EYS: variants seen among roughly 807,000 people sequenced by gnomAD.
The protein encoded by EYS is EGF-like photoreceptor maintenance factor.
A neutral mutation model predicts 282.1 loss-of-function variants in EYS; 250 were observed. The ratio of observed to expected loss-of-function variants is 0.89; its 90% CI spans 0.80 to 0.98. EYS has a LOEUF of 0.98. Ranked by LOEUF, EYS falls within the 50% of genes least tolerant of loss-of-function variation. The pLI is 0.00. For missense variants in EYS, 4,016 were observed against 3,709.0 expected (o/e 1.08, Z -2.15); for synonymous variants, 1,355 against 1,282.9 (o/e 1.06, Z -1.20).
At position 64,757,756 on chromosome 6, in the gene EYS, G is replaced by A. The variant is rs1382898318; in HGVS notation, c.3443+55622C>T. Among the ~76,000 whole-genome samples the A allele has an allele frequency of 1.8e-3, 263 of 146,832 alleles. 3 individuals carry two copies. The highest frequency in any genetic ancestry group is 2.9e-3 in the Non-Finnish European group (195 of 67,476). ...TTTCTTTTTTTCTTTGTGTGTGTGT[G>A]TGTGTGTGTGTGTGTGTGTGTGTGT... is the stretch of plus-strand genomic sequence containing the variant. On this transcript the variant is annotated intron_variant, in intron 22 of 42. Transcript: ENST00000503581.
At chr6:64,150,433 C>T (rs1174259945) in intron 31 of EYS, among the ~76,000 whole-genome samples, 2 of 152,098 alleles carry the variant, frequency 1.3e-5, no homozygotes, top group Admixed American at 6.6e-5. Flanking sequence ...ATATAAGAAA[C>T]AATTGGACTA....
At chr6:64,147,276 C>A (rs1774551712) in intron 31 of EYS, among the ~76,000 whole-genome samples, 1 of 152,108 alleles carries the variant, frequency 6.6e-6, no homozygotes, top group East Asian at 1.9e-4. Flanking sequence ...CACTAATTCA[C>A]ATGGACCTAT....
chr6:65,159,084 G>A (rs1764792800), intron 12 of EYS, among the ~76,000 whole-genome samples: 2 of 150,650 alleles, frequency 1.3e-5, no homozygotes, highest in Non-Finnish European at 3.0e-5. Context: ...GCTCTTTTGG[G>A]ATCTGTCTTT....
chr6:63,721,808 G>C lies in EYS; in HGVS notation c.8234-11C>G, dbSNP rs933127002. 8 of 1,535,576 alleles carry C rather than the reference G, an allele frequency of 5.2e-6. No homozygotes were observed. The African/African-American group carries it at 1.1e-4, about 21-fold the overall frequency. ...TGCATAAAAAATCACCTGCAAGAAA[G>C]CAAACAGTAAGTTTGATTAGCAACA... On this transcript the variant is annotated splice_polypyrimidine_tract_variant and intron_variant, in intron 42 of 42. Coordinates refer to ENST00000503581, the MANE Select transcript of EYS (RefSeq NM_001142800.2).
intron 14 of EYS, among the ~76,000 whole-genome samples, chr6:64,981,422 C>A (rs1471839191): frequency 2.0e-5 from 3 of 151,170 alleles, no homozygotes; most frequent in African/African-American, 7.3e-5. Context: ...AACAAATTCA[C>A]TTTTGTTCAT....
intron 22 of EYS, among the ~76,000 whole-genome samples, chr6:64,716,165 C>A (rs1458591982): frequency 6.6e-6 from 1 of 152,180 alleles, no homozygotes; most frequent in Non-Finnish European, 1.5e-5. Flanking sequence ...CAGCATTTCT[C>A]TATGGATGAC....
intron 30 of EYS, among the ~76,000 whole-genome samples, chr6:64,261,816 GT>G (rs1767599640): frequency 6.7e-6 from 1 of 150,278 alleles, no homozygotes; most frequent in Admixed American, 6.6e-5. Flanking sequence ...CTGGAGTGTA[GT>G]TGCATCTTGG....
At chr6:63,874,978 A>G (rs2128357) in intron 35 of EYS, among the ~76,000 whole-genome samples, 73,254 of 151,600 alleles carry the variant, frequency 0.48, 18,682 homozygotes, top group African/African-American at 0.63. Flanking sequence ...TCTCCTGCCT[A>G]ATTGCCCTGG....
At chr6:65,186,691 G>A (rs1465336199) in intron 12 of EYS, among the ~76,000 whole-genome samples, 2 of 151,746 alleles carry the variant, frequency 1.3e-5, no homozygotes, top group East Asian at 1.9e-4. Context: ...TTCATGGAAA[G>A]CACTTATGTC....
intron 36 of EYS, among the ~76,000 whole-genome samples, chr6:63,836,344 T>A (rs1314621809): frequency 6.6e-6 from 1 of 151,942 alleles, no homozygotes; most frequent in African/African-American, 2.4e-5. Context: ...ACCAAAAAAA[T>A]TTGGTAAAAT....
intron 31 of EYS, among the ~76,000 whole-genome samples, chr6:64,142,169 C>G (rs75520313): frequency 2.0e-5 from 3 of 151,918 alleles, no homozygotes; most frequent in African/African-American, 4.8e-5. Flanking sequence ...CCATGCTGAC[C>G]GTTACCTCTG....
At chr6:64,045,022 T>C (rs75042414) in intron 33 of EYS, among the ~76,000 whole-genome samples, 120 of 152,294 alleles carry the variant, frequency 7.9e-4, no homozygotes, top group African/African-American at 2.7e-3. Flanking sequence ...TGTCTCATTG[T>C]AATCAATCCA....
chr6:64,449,637 A>G (rs1423056439), intron 26 of EYS, among the ~76,000 whole-genome samples: 1 of 152,242 alleles, frequency 6.6e-6, no homozygotes, highest in African/African-American at 2.4e-5. Context: ...AGGGAAGCCC[A>G]TCAGACTAAC....
At chr6:64,329,519 T>C (rs998254950) in intron 29 of EYS, among the ~76,000 whole-genome samples, 2 of 151,924 alleles carry the variant, frequency 1.3e-5, no homozygotes, top group African/African-American at 2.4e-5. Flanking sequence ...AGGCAATGTA[T>C]AAGGAATTAT....
intron 26 of EYS, among the ~76,000 whole-genome samples, chr6:64,480,257 C>T (rs142313244): frequency 1.1e-3 from 165 of 151,848 alleles, no homozygotes; most frequent in African/African-American, 3.7e-3. Context: ...CATATGTACA[C>T]CTCCAGGAGT....
chr6:64,798,164 T>C (rs1440865780), intron 22 of EYS, among the ~76,000 whole-genome samples: 1 of 151,902 alleles, frequency 6.6e-6, no homozygotes, highest in Non-Finnish European at 1.5e-5. Flanking sequence ...GCATAGTGTT[T>C]AACTTGGAAT....
At chr6:64,345,134 T>A (rs1242261237) in intron 29 of EYS, among the ~76,000 whole-genome samples, 1 of 152,092 alleles carries the variant, frequency 6.6e-6, no homozygotes, top group Non-Finnish European at 1.5e-5. Flanking sequence ...CCAAAGTAAT[T>A]TATAGATTCA....
chr6:65,681,649 T>C (rs1768826031), intron 1 of EYS, among the ~76,000 whole-genome samples: 1 of 151,940 alleles, frequency 6.6e-6, no homozygotes, highest in Admixed American at 6.6e-5. Flanking sequence ...ACAAAAGACC[T>C]TATTACTTAT....
At chr6:64,345,442 C>A (rs1429525035) in intron 29 of EYS, among the ~76,000 whole-genome samples, 2 of 152,100 alleles carry the variant, frequency 1.3e-5, no homozygotes, top group South Asian at 2.1e-4. Flanking sequence ...CAAAAACAAG[C>A]AATGGGAAAA....
Sources: allele counts gnomAD v4.1 joint callset (sites outside exome capture counted in the v4.1 genomes callset), GRCh38; gene constraint gnomAD v4.1.1; transcripts MANE v1.5; gene names NCBI Gene and HGNC (gene_info 2026-07-23, HGNC 2026-07-21).